NBN: variants seen among roughly 807,000 people sequenced by gnomAD.
NBN encodes the protein Nijmegen breakage syndrome 1 (nibrin).
Under a neutral mutation model 90.8 loss-of-function variants are expected in NBN, and 88 were observed. That is an observed-to-expected ratio of 0.97 (90% CI 0.82 to 1.16). The LOEUF (loss-of-function observed/expected upper bound fraction) is 1.16. Ranked by LOEUF, NBN falls within the 50% of genes most tolerant of loss-of-function variation. The pLI is 0.00. For synonymous variants in NBN, 328 were observed against 295.1 expected (o/e 1.11, Z -1.14); for missense variants, 894 against 869.6 (o/e 1.03, Z -0.35).
chr8:89,969,308 A>G (rs1038317618), intron 7 of NBN, among the ~76,000 whole-genome samples: 2 of 152,200 alleles, frequency 1.3e-5, no homozygotes, highest in Non-Finnish European at 1.5e-5. Flanking sequence ...ACATCATTTC[A>G]ACCTATCTGA....
At chr8:89,968,594 AT>A (rs914139512) in intron 7 of NBN, among the ~76,000 whole-genome samples, 4 of 150,646 alleles carry the variant, frequency 2.7e-5, no homozygotes, top group Admixed American at 1.3e-4. Flanking sequence ...ATGTAGGATA[AT>A]TTTTTTTTTA....
chr8:89,953,782 T>C lies in NBN; in HGVS notation c.1398-91A>G, dbSNP rs1810571026. 9 of 944,330 alleles carry C rather than the reference T, an allele frequency of 9.5e-6. No homozygotes were observed. In the Admixed American group the frequency reaches 1.5e-4, roughly 16 times the overall value. 58.5% of individuals were successfully genotyped at this position (944,330 alleles called of 1,614,324 possible). A position where few individuals can be genotyped will look rare whatever the true frequency, so the allele number is the denominator to read the frequency against. On this transcript the variant is annotated intron_variant, in intron 10 of 15. Coordinates refer to ENST00000265433, the MANE Select transcript of NBN (RefSeq NM_002485.5). ...TTGGCAATATTCATCACTCCCTCCA[T>C]TTAGTTCACAATGTACTCTTGATTT...
intron 8 of NBN, among the ~76,000 whole-genome samples, chr8:89,960,330 A>C (rs951998085): frequency 2.6e-5 from 4 of 152,164 alleles, no homozygotes; most frequent in African/African-American, 9.7e-5. Context: ...GGAAAGAGTA[A>C]AAATTATAAA....
chr8:89,982,965 T>C (rs756360692), intron 1 of NBN, 110 bp from the exon 2 acceptor site: 35 of 1,133,288 alleles, frequency 3.1e-5, no homozygotes, highest in Non-Finnish European at 2.9e-5. Flanking sequence ...AAATATTAAA[T>C]AAAACACCTT....
chr8:89,978,805 A>G (rs1811900742), intron 4 of NBN, among the ~76,000 whole-genome samples: 1 of 152,226 alleles, frequency 6.6e-6, no homozygotes, highest in African/African-American at 2.4e-5. Flanking sequence ...GAGAAAGTAA[A>G]TAAAATAATT....
At chr8:89,971,542 T>C (rs972111763) in intron 5 of NBN, among the ~76,000 whole-genome samples, 1 of 152,146 alleles carries the variant, frequency 6.6e-6, no homozygotes, top group Non-Finnish European at 1.5e-5. Context: ...TAATCCAAGG[T>C]AGACAATCAT....
chr8:89,980,475 C>A (rs1277559952), intron 4 of NBN, among the ~76,000 whole-genome samples: 1 of 150,404 alleles, frequency 6.6e-6, no homozygotes, highest in Non-Finnish European at 1.5e-5. Context: ...GGTGGAAGGA[C>A]AACAGAATCG....
In NBN at chr8:89,970,409, T is replaced by C. The variant is rs772176894; in HGVS notation, c.851A>G (p.Asp284Gly). 1 of 1,613,978 alleles carries C rather than the reference T, an allele frequency of 6.2e-7. No homozygotes were observed. The highest frequency in any genetic ancestry group is 8.5e-7 in the Non-Finnish European group (1 of 1,179,888). The change falls in exon 7 of 16, where the codon GAC (aspartate) becomes GGC (glycine). Residue 284 changes from aspartate to glycine, a missense_variant. Coordinates refer to ENST00000265433, the MANE Select transcript of NBN (RefSeq NM_002485.5). Reference protein sequence around the residue: ...GITNSQTLIPDCQKKWIQSIM... With the variant: ...GITNSQTLIPGCQKKWIQSIM... The stretch of plus-strand genomic sequence containing the variant: ...TGACTGAATCCATTTCTTCTGACAG[T>C]CAGGAATTAAGGTCTGTGAGTTTGT...
chr8:89,942,757 G>GA (rs144120741), intron 14 of NBN, among the ~76,000 whole-genome samples: 18,267 of 152,054 alleles, frequency 0.12, 1,865 homozygotes, highest in African/African-American at 0.27. Flanking sequence ...AAATACACAG[G>GA]AAAGACAAAT....
intron 14 of NBN, among the ~76,000 whole-genome samples, chr8:89,939,417 A>G (rs1200671005): frequency 1.3e-5 from 2 of 150,038 alleles, no homozygotes; most frequent in Non-Finnish European, 3.0e-5. Flanking sequence ...AACACAGTCC[A>G]TCTAATTCCT....
intron 6 of NBN, 65 bp downstream of exon 6, chr8:89,971,108 G>C (rs1811493285): frequency 1.3e-6 from 2 of 1,498,910 alleles, no homozygotes; most frequent in Non-Finnish European, 1.8e-6. Flanking sequence ...CTACTGATAA[G>C]AGTTAATAAT....
chr8:89,939,160 G>T (rs12680687), intron 14 of NBN, among the ~76,000 whole-genome samples: 45,459 of 151,882 alleles, frequency 0.3, 6,881 homozygotes, highest in East Asian at 0.38. Context: ...CAGTGATTAT[G>T]AAAATCAAGA....
intron 2 of NBN, chr8:89,982,383 ACTG>A (rs1444168553): frequency 2.8e-6 from 1 of 352,966 alleles, no homozygotes; most frequent in African/African-American, 2.1e-5. Context: ...AAAACACATT[ACTG>A]CTAATGGCAA....
rs772042819 is a variant in NBN, at chr8:89,962,637, C to T, written c.994+1773G>A. ...AATTTGGTGAAAATATTAATCATAT[C>T]ACGATTCCACCAAAATAAGTGATTT... On this transcript the variant is annotated intron_variant, in intron 8 of 15. Transcript: ENST00000265433. Among the ~76,000 whole-genome samples the T allele has an allele frequency of 6.9e-4, 105 of 152,230 alleles. No individual in the cohort carries two copies. In the Middle Eastern group the frequency reaches 0.017, roughly 25 times the overall value.
intron 7 of NBN, among the ~76,000 whole-genome samples, chr8:89,968,207 C>A (rs980755014): frequency 4.6e-5 from 7 of 151,996 alleles, no homozygotes; most frequent in East Asian, 1.9e-4. Context: ...TGCAGTGAGC[C>A]AAGATCACAC....
chr8:89,970,559 T>TA lies in NBN; in HGVS notation c.703-3dup, dbSNP rs1811467593. The TA allele has an allele frequency of 1.2e-6, 2 of 1,612,818 alleles. No individual in the cohort carries two copies. Among genetic ancestry groups the TA allele is most frequent in the African/African-American group, 1.3e-5 (1 of 75,010 alleles). On this transcript the variant is annotated splice_polypyrimidine_tract_variant and splice_region_variant and intron_variant, in intron 6 of 15. Transcript: ENST00000265433. ...AACTGCGGAACTCAATTTCTTATGC[T>TA]AAAAATGGAAGGAAACATTTTTTAA...
chr8:89,984,426 C>A, intron 1 of NBN, 99 bp downstream of exon 1: 2 of 1,143,068 alleles, frequency 1.7e-6, no homozygotes, highest in Non-Finnish European at 1.3e-6. Flanking sequence ...GCAGCGTCCC[C>A]GGGCAGGAAC....
At chr8:89,981,303 A>C in intron 3 of NBN, 72 bp downstream of exon 3, 1 of 1,459,020 alleles carries the variant, frequency 6.9e-7, no homozygotes, top group Non-Finnish European at 9.6e-7. Context: ...CATTAATCAG[A>C]AATATCATTT....
At chr8:89,944,681 G>T (rs1810108565) in intron 13 of NBN, among the ~76,000 whole-genome samples, 1 of 152,096 alleles carries the variant, frequency 6.6e-6, no homozygotes, top group Non-Finnish European at 1.5e-5. Context: ...GGGCTCAAAT[G>T]ATCCTTCAAC....
Sources: allele counts gnomAD v4.1 joint callset (sites outside exome capture counted in the v4.1 genomes callset), GRCh38; gene constraint gnomAD v4.1.1; transcripts MANE v1.5; gene names NCBI Gene and HGNC (gene_info 2026-07-23, HGNC 2026-07-21).